Variants in ARHGEF28 observed in about 807,000 individuals in gnomAD.
ARHGEF28 encodes the protein 190 kDa guanine nucleotide exchange factor.
In ARHGEF28, 152 loss-of-function variants were observed where a neutral mutation model predicts 206.6. The observed-to-expected ratio is 0.74, with a 90% confidence interval of 0.64 to 0.84. The LOEUF (loss-of-function observed/expected upper bound fraction) is 0.84, where lower values mean the gene tolerates loss of function less well. ARHGEF28 is among the 40% of genes least tolerant of loss of function. ARHGEF28 has a pLI of 0.00. For synonymous variants in ARHGEF28, 763 were observed against 776.4 expected (o/e 0.98, Z 0.29); for missense variants, 2,028 against 2,073.2 (o/e 0.98, Z 0.42).
chr5:73,674,024 AG>A (rs1049921128), intron 1 of ARHGEF28, among the ~76,000 whole-genome samples: 1 of 149,258 alleles, frequency 6.7e-6, no homozygotes, highest in African/African-American at 2.5e-5. Flanking sequence ...AAAAAAAAAA[AG>A]GTGGGTGTGG....
At chr5:73,758,458 A>G (rs972205530) in intron 4 of ARHGEF28, among the ~76,000 whole-genome samples, 1 of 152,236 alleles carries the variant, frequency 6.6e-6, no homozygotes, top group African/African-American at 2.4e-5. Flanking sequence ...CATGTGATCA[A>G]AGGTCTCCTA....
intron 31 of ARHGEF28, 112 bp downstream of exon 31, chr5:73,901,396 G>A: frequency 1.3e-6 from 1 of 758,022 alleles, no homozygotes; most frequent in African/African-American, 1.8e-5. Flanking sequence ...TTTCTGAATT[G>A]TTCTCAATTG....
chr5:73,706,733 C>A (rs947948273), intron 2 of ARHGEF28, among the ~76,000 whole-genome samples: 1 of 152,156 alleles, frequency 6.6e-6, no homozygotes, highest in African/African-American at 2.4e-5. Context: ...AGTGTGTGCC[C>A]TGAATAAGAC....
intron 2 of ARHGEF28, among the ~76,000 whole-genome samples, chr5:73,737,453 TTTTCTTTTC>T (rs1292976555): frequency 2.4e-5 from 1 of 41,330 alleles, no homozygotes; most frequent in Non-Finnish European, 4.5e-5. Flanking sequence ...TTTTCTTTTC[TTTTCTTTTC>T]TTTTCTTTTC....
intron 9 of ARHGEF28, among the ~76,000 whole-genome samples, chr5:73,816,654 A>T (rs992539791): frequency 9.2e-5 from 14 of 152,232 alleles, no homozygotes; most frequent in African/African-American, 3.4e-4. Context: ...CTAATACCAT[A>T]TTTCAATTCA....
chr5:73,776,743 A>T (rs770211506), intron 6 of ARHGEF28, 47 bp downstream of exon 6: 5 of 1,507,352 alleles, frequency 3.3e-6, no homozygotes, highest in Non-Finnish European at 4.5e-6. Context: ...GCTTCAGAGA[A>T]TGCAGGCATC....
intron 7 of ARHGEF28, among the ~76,000 whole-genome samples, chr5:73,793,718 C>T (rs947921824): frequency 6.6e-6 from 1 of 151,918 alleles, no homozygotes; most frequent in South Asian, 2.1e-4. Context: ...ACAATAGCGG[C>T]TCTTGTTTAA....
chr5:73,791,139 T>C (rs1754456395), intron 7 of ARHGEF28, among the ~76,000 whole-genome samples: 1 of 152,202 alleles, frequency 6.6e-6, no homozygotes, highest in African/African-American at 2.4e-5. Flanking sequence ...CCACCAGATG[T>C]AGGTGGAGAT....
At chr5:73,795,832 C>T (rs1357277998) in intron 9 of ARHGEF28, among the ~76,000 whole-genome samples, 1 of 118,776 alleles carries the variant, frequency 8.4e-6, no homozygotes, top group Admixed American at 8.1e-5. Context: ...CCAGTGGGGT[C>T]CCCTTGGAGC....
intron 11 of ARHGEF28, among the ~76,000 whole-genome samples, chr5:73,843,968 A>C (rs1439805438): frequency 6.6e-6 from 1 of 152,166 alleles, no homozygotes; most frequent in African/African-American, 2.4e-5. Context: ...ACATATTCTG[A>C]TATTTTCTAT....
In ARHGEF28 at chr5:73,749,959, T is replaced by C; in HGVS notation, c.156T>C (p.Asp52=). The part of the protein sequence containing the change: ...RHVMIAERIE[D]NVLQSSVPGH... ...TCATGATTGCAGAGCGCATCGAGGATAACGTTCTCCAGTCCAGCGTCCCAG... is the reference window on the plus strand; with the variant it reads ...TCATGATTGCAGAGCGCATCGAGGACAACGTTCTCCAGTCCAGCGTCCCAG... The change falls in exon 3 of 36, where the codon GAT becomes GAC. Residue 52 remains aspartate (D), a synonymous_variant. Transcript: ENST00000513042. 6.2e-7 allele frequency: 1 copy of C among 1,613,986 alleles called. No homozygotes were observed. The highest frequency in any genetic ancestry group is 8.5e-7 in the Non-Finnish European group (1 of 1,179,888).
intron 2 of ARHGEF28, among the ~76,000 whole-genome samples, chr5:73,730,504 T>C (rs1375149165): frequency 1.3e-5 from 2 of 151,050 alleles, no homozygotes; most frequent in Non-Finnish European, 2.9e-5. Context: ...CTATAATCAA[T>C]ATAGGTTCAA....
Position 73,632,653 on chromosome 5 carries a change from A to G in ARHGEF28, c.-12+6331A>G, listed in dbSNP as rs548580638. On this transcript the variant is annotated intron_variant, in intron 1 of 35. Coordinates refer to ENST00000513042, the MANE Select transcript of ARHGEF28 (RefSeq NM_001177693.2). ...ATATCCTACCTTCAAGTCTTCTTTT[A>G]TTGAGGTTAGAAAATAAAAATCTGT... Among the ~76,000 whole-genome samples, 132 of 152,290 alleles carry G rather than the reference A, an allele frequency of 8.7e-4. 2 individuals carry two copies. The South Asian group carries it at 0.026, about 30-fold the overall frequency.
At chr5:73,923,435 C>G (rs1763629206) in intron 35 of ARHGEF28, among the ~76,000 whole-genome samples, 1 of 152,154 alleles carries the variant, frequency 6.6e-6, no homozygotes, top group Non-Finnish European at 1.5e-5. Context: ...AAAATTACAT[C>G]AAAGTATGCT....
rs147254438 is a variant in ARHGEF28, at chr5:73,831,913, G to T, written c.1025-425G>T. 6.4e-3 allele frequency among the ~76,000 whole-genome samples: 980 copies of T among 152,250 alleles called. 11 individuals carry two copies. The highest frequency in any genetic ancestry group is 0.022 in the African/African-American group (916 of 41,542). On this transcript the variant is annotated intron_variant, in intron 9 of 35. Transcript: ENST00000513042. ...TCCATGTTGGTCAGGCTGGTCTCGAGCTCCCAACCTCAGGTGATCTGCCCG... is the reference window on the plus strand; with the variant it reads ...TCCATGTTGGTCAGGCTGGTCTCGATCTCCCAACCTCAGGTGATCTGCCCG...
intron 1 of ARHGEF28, among the ~76,000 whole-genome samples, chr5:73,645,052 TCAA>T (rs1415565468): frequency 1.3e-5 from 2 of 152,240 alleles, no homozygotes; most frequent in Non-Finnish European, 2.9e-5. Flanking sequence ...CATTCAATCC[TCAA>T]CAATTCTGGG....
At chr5:73,822,650 A>C (rs1275043361) in intron 9 of ARHGEF28, among the ~76,000 whole-genome samples, 2 of 152,106 alleles carry the variant, frequency 1.3e-5, no homozygotes, top group African/African-American at 4.8e-5. Context: ...TTTTTTTTAG[A>C]GACAGAGTCT....
intron 30 of ARHGEF28, chr5:73,900,143 CT>C (rs1762176996): frequency 6.6e-6 from 1 of 152,214 alleles, no homozygotes; most frequent in Non-Finnish European, 1.5e-5. Context: ...TAGACAAAAA[CT>C]TCTTTGTATT....
intron 2 of ARHGEF28, among the ~76,000 whole-genome samples, chr5:73,724,431 G>A (rs1279365405): frequency 6.6e-6 from 1 of 152,142 alleles, no homozygotes; most frequent in Admixed American, 6.5e-5. Context: ...GTGTGAACGT[G>A]CATATAGTAA....
Sources: allele counts gnomAD v4.1 joint callset (sites outside exome capture counted in the v4.1 genomes callset), GRCh38; gene constraint gnomAD v4.1.1; transcripts MANE v1.5; gene names NCBI Gene and HGNC (gene_info 2026-07-23, HGNC 2026-07-21).